Variants in KCNQ2 observed in about 807,000 individuals in gnomAD.
The protein encoded by KCNQ2 is potassium voltage-gated channel subfamily KQT member 2.
KCNQ2 carries 14 observed loss-of-function variants against 84.8 expected under a neutral mutation model. The observed-to-expected ratio is 0.17, with a 90% CI of 0.11 to 0.26. The LOEUF is 0.26. Ranked by LOEUF, KCNQ2 falls within the 10% of genes least tolerant of loss-of-function variation. The pLI, the probability that KCNQ2 is intolerant of heterozygous loss-of-function variation, is 1.00. For synonymous variants in KCNQ2, 599 were observed against 554.1 expected, an observed-to-expected ratio of 1.08 and a Z score of -1.14; for missense variants, 788 against 1,254.0, an observed-to-expected ratio of 0.63 and a Z score of 5.61.
intron 1 of KCNQ2, among the ~76,000 whole-genome samples, chr20:63,463,042 G>A (rs991322409): frequency 2.1e-5 from 3 of 144,264 alleles, no homozygotes; most frequent in Non-Finnish European, 4.5e-5. Context: ...CAGGGTTTCC[G>A]TGGGTGTCTT....
chr20:63,438,599 G>C lies in KCNQ2; in HGVS notation c.1023+26C>G. The C allele has an allele frequency of 5.0e-6, 8 of 1,597,396 alleles. No homozygotes were observed. Among genetic ancestry groups the C allele is most frequent in the Non-Finnish European group, 6.9e-6 (8 of 1,165,578 alleles). Reference sequence around the variant, plus strand: ...GTGGGACCAGGACAAGGGCTGTGCTGGTCCCCGGGGGACACCTGGACTCAC... The same window carrying C: ...GTGGGACCAGGACAAGGGCTGTGCTCGTCCCCGGGGGACACCTGGACTCAC... On this transcript the variant is annotated intron_variant, in intron 7 of 16. Transcript: ENST00000359125. This position sits in a 1 kb window ranked among gnomAD's most constrained non-coding sequence, Gnocchi z 5.1.
chr20:63,468,491 G>A (rs1052247934), intron 1 of KCNQ2, among the ~76,000 whole-genome samples: 2 of 152,232 alleles, frequency 1.3e-5, no homozygotes, highest in African/African-American at 4.8e-5. Context: ...AGAGCTGAAT[G>A]AAGGGGTGGG....
chr20:63,465,520 G>A (rs1454387370), intron 1 of KCNQ2, among the ~76,000 whole-genome samples: 1 of 152,202 alleles, frequency 6.6e-6, no homozygotes, highest in African/African-American at 2.4e-5. Context: ...TAGGGAGGCA[G>A]GAACCAGAAC....
intron 7 of KCNQ2, 54 bp from the exon 8 acceptor site, chr20:63,433,957 C>A: frequency 1.3e-6 from 2 of 1,534,690 alleles, no homozygotes; most frequent in Middle Eastern, 2.3e-4. Context: ...AGGGGCGCGC[C>A]CAGGAGGGCC....
chr20:63,424,056 TCACACACGGAAG>T (rs2080554746), intron 11 of KCNQ2, 109 bp downstream of exon 11: 4 of 1,128,944 alleles, frequency 3.5e-6, no homozygotes, highest in African/African-American at 3.1e-5. Flanking sequence ...AGTCACACAG[TCACACACGGAAG>T]CACACACAAG....
intron 1 of KCNQ2, among the ~76,000 whole-genome samples, chr20:63,455,588 T>C (rs1337712856): frequency 6.6e-6 from 1 of 152,110 alleles, no homozygotes; most frequent in Non-Finnish European, 1.5e-5. Context: ...AGAGGAGAAG[T>C]TGGGGCAGGG....
intron 1 of KCNQ2, among the ~76,000 whole-genome samples, chr20:63,467,039 C>A (rs2082100062): frequency 6.6e-6 from 1 of 152,200 alleles, no homozygotes; most frequent in Non-Finnish European, 1.5e-5. Context: ...GCAGGCATCA[C>A]CCCACCATCC....
intron 1 of KCNQ2, among the ~76,000 whole-genome samples, chr20:63,469,285 C>T (rs1005868648): frequency 5.9e-5 from 9 of 152,224 alleles, no homozygotes; most frequent in African/African-American, 2.2e-4. Flanking sequence ...GGCCCAGCAC[C>T]CCGCCCCGAC....
rs2080209367 is a variant in KCNQ2, at chr20:63,414,082, C to T, written c.1631+6G>A. ...CCCCAGGCTCCCGGCTGGGCAGGGGCCTCACCACACGGCTCTGATGCTGAC... is the reference window on the plus strand; with the variant it reads ...CCCCAGGCTCCCGGCTGGGCAGGGGTCTCACCACACGGCTCTGATGCTGAC... On this transcript the variant is annotated splice_donor_region_variant and intron_variant, in intron 14 of 16. Coordinates refer to ENST00000359125, the MANE Select transcript of KCNQ2 (RefSeq NM_172107.4). This position sits in a 1 kb window ranked among gnomAD's most constrained non-coding sequence, Gnocchi z 6.6. 6.2e-7 allele frequency: 1 copy of T among 1,609,792 alleles called. No homozygotes were observed. The highest frequency in any genetic ancestry group is 8.5e-7 in the Non-Finnish European group (1 of 1,176,974).
chr20:63,440,046 G>C (rs2081113484), intron 5 of KCNQ2, among the ~76,000 whole-genome samples: 1 of 152,238 alleles, frequency 6.6e-6, no homozygotes, highest in Non-Finnish European at 1.5e-5. Flanking sequence ...AGTGCAGCTG[G>C]GGAGAAGGGA....
chr20:63,428,698 G>A (rs985732280), intron 9 of KCNQ2, among the ~76,000 whole-genome samples: 1 of 152,152 alleles, frequency 6.6e-6, no homozygotes, highest in Non-Finnish European at 1.5e-5. Flanking sequence ...GAGGGAAGAG[G>A]GCGCCTGGCC....
At chr20:63,430,276 G>A (rs916849230) in intron 9 of KCNQ2, among the ~76,000 whole-genome samples, 4 of 152,162 alleles carry the variant, frequency 2.6e-5, no homozygotes, top group South Asian at 2.1e-4. Context: ...GGAGGCAGCC[G>A]GCTTCAGCGC....
rs2081077810 is a variant in KCNQ2 at position 63,438,811 on chromosome 20, C to A, written c.928-91G>T. 5.2e-6 allele frequency: 5 copies of A among 953,220 alleles called. No homozygotes were observed. The highest frequency in any genetic ancestry group is 3.3e-5 in the African/African-American group (2 of 60,850). The allele number at this position is 953,220 out of a possible 1,614,324, so 59.0% of individuals were successfully genotyped here. On this transcript the variant is annotated intron_variant, in intron 6 of 16. Coordinates refer to ENST00000359125, the MANE Select transcript of KCNQ2 (RefSeq NM_172107.4). This position sits in a 1 kb window ranked among gnomAD's most constrained non-coding sequence, Gnocchi z 5.1. ...CCATGCTCTGGGGCCCCACACCCCC[C>A]CCAATTCATCAGGGTCAGACCACAC...
At chr20:63,417,913 G>T (rs1046480842) in intron 12 of KCNQ2, among the ~76,000 whole-genome samples, 3 of 152,240 alleles carry the variant, frequency 2.0e-5, no homozygotes, top group African/African-American at 7.2e-5. Context: ...GACAGAGCCG[G>T]CGGGAAGGAG....
Position 63,446,765 on chromosome 20 carries a change from C to CT in KCNQ2, c.368dup (p.Ala125GlyfsTer48). 6.2e-7 allele frequency: 1 copy of CT among 1,613,518 alleles called. No homozygotes were observed. The highest frequency in any genetic ancestry group is 8.5e-7 in the Non-Finnish European group (1 of 1,179,944). On this transcript the variant is annotated frameshift_variant, in exon 2 of 17. Transcript: ENST00000359125. LOFTEE classifies it high-confidence loss of function. The surrounding 1 kb of genome is among the most constrained non-coding windows in gnomAD (Gnocchi z 5.5). ...GGCTCACCAGGATGTAGAGGGCCCC[C>CT]TCCGAGCTCTTCTCATACTCCTTGA... is the stretch of plus-strand genomic sequence containing the variant.
chr20:63,443,415 TCACCAC>T lies in KCNQ2; in HGVS notation c.691-890_691-885del, dbSNP rs1568937795. Among the ~76,000 whole-genome samples the T allele has an allele frequency of 2.5e-3, 45 of 18,282 alleles. 2 individuals carry two copies. The highest frequency in any genetic ancestry group is 4.2e-3 in the African/African-American group (45 of 10,608). The allele number at this position is 18,282 out of a possible 152,430, so 12.0% of individuals were successfully genotyped here. On this transcript the variant is annotated intron_variant, in intron 4 of 16. Transcript: ENST00000359125. ...ACCATCACCATCACCACCATCACCA[TCACCAC>T]CATCATCACCATCACCATCACCACC... is the stretch of plus-strand genomic sequence containing the variant.
At position 63,428,360 on chromosome 20, in the gene KCNQ2, A is replaced by G; in HGVS notation, c.1217+7T>C. On this transcript the variant is annotated splice_region_variant and intron_variant, in intron 10 of 16. Coordinates refer to ENST00000359125, the MANE Select transcript of KCNQ2 (RefSeq NM_172107.4). ...CCACCCGCCCCACCTGGAGCTCCCC[A>G]GCTGACCTGAAAGCGAGTCCAGATT... is the stretch of plus-strand genomic sequence containing the variant. 2 of 1,561,464 alleles carry G rather than the reference A, an allele frequency of 1.3e-6. No individual in the cohort carries two copies. Among genetic ancestry groups the G allele is most frequent in the Non-Finnish European group, 1.7e-6 (2 of 1,152,006 alleles).
At chr20:63,442,752 T>C (rs866549835) in intron 4 of KCNQ2, among the ~76,000 whole-genome samples, 1,219 of 34,454 alleles carry the variant, frequency 0.035, 121 homozygotes, top group South Asian at 0.097. Context: ...ATCACCACCA[T>C]CACCATCACC....
chr20:63,413,878 C>T (rs771213556), intron 14 of KCNQ2, among the ~76,000 whole-genome samples: 6 of 152,200 alleles, frequency 3.9e-5, no homozygotes, highest in Non-Finnish European at 5.9e-5. Flanking sequence ...CTTGCTGAAC[C>T]GGCATCCCAC....
Sources: allele counts gnomAD v4.1 joint callset (sites outside exome capture counted in the v4.1 genomes callset), GRCh38; gene constraint gnomAD v4.1.1; non-coding constraint Gnocchi (gnomAD v3.1); transcripts MANE v1.5; gene names NCBI Gene and HGNC (gene_info 2026-07-23, HGNC 2026-07-21).